The following LOXL2 variants were observed in gnomAD, a reference collection of about 807,000 sequenced individuals.
LOXL2 encodes the protein lysyl oxidase like 2, also known as lysyl oxidase homolog 2.
LOXL2 carries 70 observed loss-of-function variants against 93.0 expected under a neutral mutation model. That is an observed-to-expected ratio of 0.75 (90% CI 0.62 to 0.92). The LOEUF is 0.92. Among genes scored for constraint, LOXL2 ranks in the 40% least tolerant of loss-of-function variants. The pLI, the probability that LOXL2 is intolerant of heterozygous loss-of-function variation, is 0.00. For missense variants in LOXL2, 973 were observed against 1,054.9 expected (o/e 0.92, Z 1.08); for synonymous variants, 438 against 413.2 (o/e 1.06, Z -0.73).
chr8:23,306,974 C>G (rs1380828553), intron 10 of LOXL2, among the ~76,000 whole-genome samples: 1 of 152,166 alleles, frequency 6.6e-6, no homozygotes, highest in East Asian at 1.9e-4. Flanking sequence ...TCCAAGGGGG[C>G]CAATCTTTGT....
chr8:23,385,244 C>CTTT (rs67050683), intron 1 of LOXL2, among the ~76,000 whole-genome samples: 6 of 132,780 alleles, frequency 4.5e-5, no homozygotes, highest in African/African-American at 8.4e-5. Flanking sequence ...GATTTTTTTT[C>CTTT]TTTTTTTTTT....
chr8:23,319,985 G>A lies in LOXL2; in HGVS notation c.1370C>T (p.Ser457Phe), dbSNP rs1045797010. The A allele has an allele frequency of 6.2e-7, 1 of 1,613,942 alleles. No homozygotes were observed. Among genetic ancestry groups the A allele is most frequent in the Non-Finnish European group, 8.5e-7 (1 of 1,179,966 alleles). Residue 457 changes from serine to phenylalanine, a missense_variant, in exon 8 of 14, where the codon TCC becomes TTC. Transcript: ENST00000389131. Reference sequence around the variant, plus strand: ...GCCACACACCATCCCCCACACAAGGGACCCGTTTCTCTCCACCAGCACCTC... The same window carrying A: ...GCCACACACCATCCCCCACACAAGGAACCCGTTTCTCTCCACCAGCACCTC... ...RVEVLVERNG[S>F]LVWGMVCGQN...
chr8:23,334,172 G>C (rs1803751724), intron 4 of LOXL2, among the ~76,000 whole-genome samples: 2 of 152,138 alleles, frequency 1.3e-5, no homozygotes, highest in Non-Finnish European at 2.9e-5. Context: ...CTGAGTAGCT[G>C]GGACTACAGG....
intron 3 of LOXL2, among the ~76,000 whole-genome samples, chr8:23,353,475 G>T (rs1804130531): frequency 6.6e-6 from 1 of 152,160 alleles, no homozygotes; most frequent in African/African-American, 2.4e-5. Context: ...GCCCAAGAAG[G>T]GTCAGTGACT....
intron 3 of LOXL2, among the ~76,000 whole-genome samples, chr8:23,352,781 G>A (rs964298206): frequency 2.0e-5 from 3 of 151,902 alleles, no homozygotes; most frequent in African/African-American, 7.3e-5. Context: ...TGGGTGGAAA[G>A]AAATGGCTTT....
At chr8:23,342,853 C>T (rs552886474) in intron 3 of LOXL2, among the ~76,000 whole-genome samples, 12 of 152,236 alleles carry the variant, frequency 7.9e-5, no homozygotes, top group South Asian at 4.2e-4. Context: ...TGGGCTCAAC[C>T]GATCCTCCTG....
At chr8:23,394,163 T>C (rs931161964) in intron 1 of LOXL2, among the ~76,000 whole-genome samples, 2 of 151,780 alleles carry the variant, frequency 1.3e-5, no homozygotes, top group Non-Finnish European at 2.9e-5. Flanking sequence ...GAGGCCGAGG[T>C]GGGCGGATCA....
At position 23,303,504 on chromosome 8, in the gene LOXL2, G is replaced by A. The variant is rs184195882; in HGVS notation, c.1881-107C>T. 32 of 685,094 alleles carry A rather than the reference G, an allele frequency of 4.7e-5. No homozygotes were observed. In the East Asian group the frequency reaches 8.4e-4, roughly 18 times the overall value. 42.4% of individuals were successfully genotyped at this position (685,094 alleles called of 1,614,324 possible). The stretch of plus-strand genomic sequence containing the variant: ...CTCTGGGAATACTTCCAGGGGACCA[G>A]AGGGGGCCGGGTGGGGAGAGGAGTG... On this transcript the variant is annotated intron_variant, in intron 10 of 13. Coordinates refer to ENST00000389131, the MANE Select transcript of LOXL2 (RefSeq NM_002318.3).
chr8:23,323,874 G>A (rs1021235703), intron 6 of LOXL2, among the ~76,000 whole-genome samples: 16 of 152,124 alleles, frequency 1.1e-4, no homozygotes, highest in Non-Finnish European at 2.1e-4. Context: ...GCTAATTTTT[G>A]TGTTTTTAGT....
At position 23,360,036 on chromosome 8, in the gene LOXL2, C is replaced by T. The variant is rs530931709; in HGVS notation, c.531+54G>A. The T allele has an allele frequency of 4.6e-6, 7 of 1,525,200 alleles. No individual in the cohort carries two copies. In the East Asian group the frequency reaches 1.4e-4, roughly 30 times the overall value. 94.5% of individuals were successfully genotyped at this position (1,525,200 alleles called of 1,614,324 possible). A position where few individuals can be genotyped will look rare whatever the true frequency, so the allele number is the denominator to read the frequency against. On this transcript the variant is annotated intron_variant, in intron 3 of 13. Coordinates refer to ENST00000389131, the MANE Select transcript of LOXL2 (RefSeq NM_002318.3). ...AAATCAATACGCAAAAAGCGAGTTGCATGGAAGAGGAAAAATGTTTGCATG... is the reference window on the plus strand; with the variant it reads ...AAATCAATACGCAAAAAGCGAGTTGTATGGAAGAGGAAAAATGTTTGCATG...
At position 23,297,969 on chromosome 8, in the gene LOXL2, A is replaced by G. The variant is rs1451612292; in HGVS notation, c.*74T>C. The G allele has an allele frequency of 1.5e-6, 2 of 1,292,818 alleles. No homozygotes were observed. Among genetic ancestry groups the G allele is most frequent in the African/African-American group, 2.9e-5 (2 of 68,804 alleles). 80.1% of individuals were successfully genotyped at this position (1,292,818 alleles called of 1,614,324 possible). A position where few individuals can be genotyped will look rare whatever the true frequency, so the allele number is the denominator to read the frequency against. Reference sequence around the variant, plus strand: ...GTGAGGGCACGTGGCATTCGTTCAGACTCAGTTGTTGGGGGGAAGTCCCAT... The same window carrying G: ...GTGAGGGCACGTGGCATTCGTTCAGGCTCAGTTGTTGGGGGGAAGTCCCAT... On this transcript the variant is annotated 3_prime_UTR_variant, in exon 14 of 14. Transcript: ENST00000389131.
Position 23,297,670 on chromosome 8 carries a change from C to T in LOXL2, c.*373G>A, listed in dbSNP as rs193149725. On this transcript the variant is annotated 3_prime_UTR_variant, in exon 14 of 14. Transcript: ENST00000389131. The stretch of plus-strand genomic sequence containing the variant: ...GGGCTGATGAGCCCGCATTTGTCCA[C>T]GTGTCACTGGAGAAGAGCGCGGCTC... 7.2e-5 allele frequency: 14 copies of T among 193,730 alleles called. No homozygotes were observed. The highest frequency in any genetic ancestry group is 2.3e-4 in the Admixed American group (4 of 17,186). 12.0% of individuals were successfully genotyped at this position (193,730 alleles called of 1,614,324 possible). A position where few individuals can be genotyped will look rare whatever the true frequency, so the allele number is the denominator to read the frequency against.
intron 1 of LOXL2, among the ~76,000 whole-genome samples, chr8:23,377,080 G>A (rs1804606691): frequency 6.6e-6 from 1 of 152,140 alleles, no homozygotes; most frequent in Admixed American, 6.5e-5. Context: ...GGCATTTAGT[G>A]CTATAAATTT....
At chr8:23,320,905 C>CA (rs1462267588) in intron 7 of LOXL2, among the ~76,000 whole-genome samples, 1 of 152,032 alleles carries the variant, frequency 6.6e-6, no homozygotes, top group Non-Finnish European at 1.5e-5. Flanking sequence ...AAGACCGTCT[C>CA]AAAAAACAAA....
Position 23,297,904 on chromosome 8 carries a change from C to T in LOXL2, c.*139G>A. The T allele has an allele frequency of 1.5e-6, 1 of 647,976 alleles. No homozygotes were observed. The highest frequency in any genetic ancestry group is 2.7e-6 in the Non-Finnish European group (1 of 367,544). The allele number at this position is 647,976 out of a possible 1,614,324, so 40.1% of individuals were successfully genotyped here. ...GGGTCCCTTTCCTCCTGAGCTTAGA[C>T]ACAGCTGTAGGGGTCTGGACAGGGT... On this transcript the variant is annotated 3_prime_UTR_variant, in exon 14 of 14. Coordinates refer to ENST00000389131, the MANE Select transcript of LOXL2 (RefSeq NM_002318.3).
intron 9 of LOXL2, among the ~76,000 whole-genome samples, chr8:23,313,265 ATGACT>A (rs1803344918): frequency 6.6e-6 from 1 of 152,132 alleles, no homozygotes; most frequent in Non-Finnish European, 1.5e-5. Context: ...CAAGCTACCA[ATGACT>A]TTCTTCACAG....
chr8:23,334,547 G>A (rs12682296), intron 4 of LOXL2, among the ~76,000 whole-genome samples: 68,227 of 152,042 alleles, frequency 0.45, 16,409 homozygotes, highest in Non-Finnish European at 0.55. Context: ...CTGCACCCAG[G>A]AAGATCAGTG....
intron 1 of LOXL2, among the ~76,000 whole-genome samples, chr8:23,400,791 C>A (rs1800144115): frequency 6.6e-6 from 1 of 152,162 alleles, no homozygotes; most frequent in African/African-American, 2.4e-5. Context: ...CCTATTTTTA[C>A]ACCTTGGAGT....
At chr8:23,381,918 G>C (rs77603834) in intron 1 of LOXL2, among the ~76,000 whole-genome samples, 1 of 152,230 alleles carries the variant, frequency 6.6e-6, no homozygotes, top group Admixed American at 6.5e-5. Context: ...CCTGGTGCAC[G>C]TTAGCTGCTT....
Sources: gnomAD v4.1 joint callset for allele counts (sites outside exome capture counted in the v4.1 genomes callset) on GRCh38, gnomAD v4.1.1 for gene constraint, MANE v1.5 for transcripts, NCBI Gene and HGNC (gene_info 2026-07-23, HGNC 2026-07-21) for gene names.